The following PDE1A variants were observed in gnomAD, a reference collection of about 807,000 sequenced individuals.
The protein encoded by PDE1A is phosphodiesterase 1A, also known as dual specificity calcium/calmodulin-dependent 3',5'-cyclic nucleotide phosphodiesterase 1A.
A neutral mutation model predicts 61.7 loss-of-function variants in PDE1A; 35 were observed. The ratio of observed to expected loss-of-function variants is 0.57; its 90% CI spans 0.43 to 0.75. The LOEUF is 0.75. Among genes scored for constraint, PDE1A ranks in the 30% least tolerant of loss-of-function variants. PDE1A has a pLI of 0.00. For synonymous variants in PDE1A, 232 were observed against 213.2 expected (o/e 1.09, Z -0.77); for missense variants, 597 against 630.6 (o/e 0.95, Z 0.57).
At chr2:182,628,249 T>TCC in the PDE1A span, among the ~76,000 whole-genome samples, 2 of 152,212 alleles carry the variant, frequency 1.3e-5, no homozygotes, top group Non-Finnish European at 2.9e-5. Context: ...AAGGGAGGTA[T>TCC]CCCACTGGGA....
At chr2:182,310,889 C>A (rs1168698599) in intron 1 of PDE1A, among the ~76,000 whole-genome samples, 1 of 152,202 alleles carries the variant, frequency 6.6e-6, no homozygotes, top group Non-Finnish European at 1.5e-5. Flanking sequence ...AGAGTGCAGG[C>A]AGAAATGATA....
At chr2:182,540,705 C>CATATATAT in the PDE1A span, among the ~76,000 whole-genome samples, 9 of 152,128 alleles carry the variant, frequency 5.9e-5, no homozygotes, top group African/African-American at 1.7e-4. Flanking sequence ...TACCTTTCTT[C>CATATATAT]ATATGTACAC....
At chr2:182,366,708 A>G (rs892507689) in intron 1 of PDE1A, among the ~76,000 whole-genome samples, 3 of 152,074 alleles carry the variant, frequency 2.0e-5, no homozygotes, top group African/African-American at 4.8e-5. Flanking sequence ...TCCCTTTAAT[A>G]GAACATCATT....
intron 2 of PDE1A, among the ~76,000 whole-genome samples, chr2:182,520,819 G>T (rs1317943562): frequency 2.0e-5 from 3 of 151,890 alleles, no homozygotes; most frequent in African/African-American, 7.2e-5. Context: ...CACTCATTAG[G>T]CTAAAACACA....
intron 1 of PDE1A, among the ~76,000 whole-genome samples, chr2:182,321,896 C>A (rs1574344955): frequency 6.6e-6 from 1 of 152,076 alleles, no homozygotes; most frequent in Non-Finnish European, 1.5e-5. Flanking sequence ...AATTTATAAA[C>A]CACCAGGCTA....
At chr2:182,247,069 C>A in intron 2 of PDE1A, among the ~76,000 whole-genome samples, 1 of 152,142 alleles carries the variant, frequency 6.6e-6, no homozygotes, top group East Asian at 1.9e-4. Context: ...GCTGCTTATG[C>A]AGCAACAACA....
intron 1 of PDE1A, among the ~76,000 whole-genome samples, chr2:182,264,791 C>G (rs1692485390): frequency 6.7e-6 from 1 of 148,414 alleles, no homozygotes; most frequent in Non-Finnish European, 1.5e-5. Flanking sequence ...AAAGGACACT[C>G]TTCTTAATTC....
intron 1 of PDE1A, among the ~76,000 whole-genome samples, chr2:182,344,254 G>T (rs1698377742): frequency 6.6e-6 from 1 of 151,964 alleles, no homozygotes. Flanking sequence ...TAAAATATAT[G>T]AATATAGGGA....
chr2:182,654,990 C>T, the PDE1A span, among the ~76,000 whole-genome samples: 10 of 152,210 alleles, frequency 6.6e-5, no homozygotes, highest in African/African-American at 2.2e-4. Context: ...GTCTAAGGTA[C>T]CACCATTTGG....
intron 2 of PDE1A, among the ~76,000 whole-genome samples, chr2:182,494,266 T>C (rs1212448103): frequency 6.6e-6 from 1 of 151,544 alleles, no homozygotes; most frequent in Non-Finnish European, 1.5e-5. Flanking sequence ...CATCTAAATG[T>C]GTAGTAAGCT....
chr2:182,241,953 A>G, intron 2 of PDE1A: 3 of 1,504,184 alleles, frequency 2.0e-6, no homozygotes, highest in South Asian at 2.6e-5. Context: ...GCAAGTCACT[A>G]AACTTCATGG....
chr2:182,458,059 A>G (rs758913829), intron 2 of PDE1A, among the ~76,000 whole-genome samples: 2 of 152,122 alleles, frequency 1.3e-5, no homozygotes, highest in Non-Finnish European at 2.9e-5. Context: ...TAAAAAATAC[A>G]TGATATTGAG....
intron 10 of PDE1A, among the ~76,000 whole-genome samples, chr2:182,191,992 A>G (rs1685739337): frequency 1.3e-5 from 2 of 151,842 alleles, no homozygotes; most frequent in South Asian, 4.2e-4. Flanking sequence ...AGTAGCTGGG[A>G]TTTCAGGCGC....
intron 2 of PDE1A, among the ~76,000 whole-genome samples, chr2:182,444,352 T>C (rs1236461302): frequency 1.3e-5 from 2 of 152,148 alleles, no homozygotes; most frequent in African/African-American, 4.8e-5. Flanking sequence ...TGTGGCTGTG[T>C]ATTTTTACTT....
At chr2:182,415,641 A>G (rs992782021) in intron 1 of PDE1A, among the ~76,000 whole-genome samples, 5 of 152,092 alleles carry the variant, frequency 3.3e-5, no homozygotes, top group African/African-American at 1.2e-4. Context: ...TCCTGTCTTT[A>G]CTTCTTCTAG....
upstream of PDE1A, among the ~76,000 whole-genome samples, chr2:182,527,323 AAAAAATATATATATATATATAT>A (rs1574857875): frequency 9.7e-5 from 4 of 41,072 alleles, no homozygotes; most frequent in East Asian, 7.2e-4. Flanking sequence ...AAAAAAAAAA[AAAAAATATATATATATATATAT>A]ATATATATAT....
the PDE1A span, among the ~76,000 whole-genome samples, chr2:182,528,517 T>C: frequency 2.6e-5 from 4 of 152,104 alleles, no homozygotes; most frequent in African/African-American, 7.2e-5. Flanking sequence ...GAGGATGTGA[T>C]AGAAAGGAAA....
exon 15 of PDE1A, chr2:182,140,453 A>G (rs1056592057): frequency 1.3e-5 from 2 of 152,232 alleles, no homozygotes; most frequent in African/African-American, 4.8e-5. Flanking sequence ...ACTAAATTGA[A>G]TTGCATAAAA....
chr2:182,211,236 A>G (rs779806971), intron 7 of PDE1A, among the ~76,000 whole-genome samples: 1 of 152,186 alleles, frequency 6.6e-6, no homozygotes, highest in South Asian at 2.1e-4. Flanking sequence ...TTGCATGTGG[A>G]TGTTCAGTCG....
Sources: allele counts gnomAD v4.1 joint callset (sites outside exome capture counted in the v4.1 genomes callset), GRCh38; gene constraint gnomAD v4.1.1; transcripts MANE v1.5; gene names NCBI Gene and HGNC (gene_info 2026-07-23, HGNC 2026-07-21).